Variants in PRKG1 observed in about 807,000 individuals in gnomAD.
PRKG1 encodes protein kinase cGMP-dependent 1, also known as cGMP-dependent protein kinase 1.
A neutral mutation model predicts 88.1 loss-of-function variants in PRKG1; 35 were observed. The observed-to-expected ratio is 0.40, with a 90% CI of 0.30 to 0.53. The LOEUF (loss-of-function observed/expected upper bound fraction) is 0.53. Ranked by LOEUF, PRKG1 falls within the 20% of genes least tolerant of loss-of-function variation. The pLI, the probability that PRKG1 is intolerant of heterozygous loss-of-function variation, is 0.59. For missense variants in PRKG1, 540 were observed against 839.8 expected (o/e 0.64, Z 4.41); for synonymous variants, 303 against 292.5 (o/e 1.04, Z -0.37).
intron 2 of PRKG1, among the ~76,000 whole-genome samples, chr10:51,389,526 AG>A (rs1447764951): frequency 6.6e-6 from 1 of 152,074 alleles, no homozygotes. Flanking sequence ...GTCAGCCACT[AG>A]GGGGCATCCT....
At chr10:51,957,751 G>A (rs1314199845) in intron 5 of PRKG1, among the ~76,000 whole-genome samples, 1 of 152,080 alleles carries the variant, frequency 6.6e-6, no homozygotes, top group Non-Finnish European at 1.5e-5. Context: ...TCTGCTTAGG[G>A]CTATATGGAG....
chr10:51,353,938 G>A (rs186554777), intron 2 of PRKG1, among the ~76,000 whole-genome samples: 225 of 151,996 alleles, frequency 1.5e-3, no homozygotes, highest in Non-Finnish European at 2.5e-3. Flanking sequence ...ATATCTAATG[G>A]ATATAAATAT....
At chr10:51,931,966 G>C (rs1272766745) in intron 5 of PRKG1, among the ~76,000 whole-genome samples, 2 of 152,118 alleles carry the variant, frequency 1.3e-5, no homozygotes, top group Admixed American at 1.3e-4. Context: ...TCCTTGATAT[G>C]TTTGAAAATC....
chr10:52,251,812 C>A, intron 10 of PRKG1, 146 bp downstream of exon 10: 1 of 663,318 alleles, frequency 1.5e-6, no homozygotes, highest in Non-Finnish European at 2.5e-6. Flanking sequence ...TACTTTGCGG[C>A]AGACATGTCA....
At chr10:51,662,799 G>A (rs1242602835) in intron 3 of PRKG1, among the ~76,000 whole-genome samples, 2 of 152,092 alleles carry the variant, frequency 1.3e-5, no homozygotes, top group African/African-American at 4.8e-5. Flanking sequence ...GACTGAAAAT[G>A]GGGAAAGAGA....
intron 3 of PRKG1, among the ~76,000 whole-genome samples, chr10:51,658,802 G>A (rs966419497): frequency 7.9e-5 from 12 of 151,790 alleles, no homozygotes; most frequent in African/African-American, 2.9e-4. Flanking sequence ...GTGTCTCCTT[G>A]AAATATTAGC....
At chr10:51,702,664 T>A (rs569700056) in intron 3 of PRKG1, among the ~76,000 whole-genome samples, 1 of 152,104 alleles carries the variant, frequency 6.6e-6, no homozygotes, top group Non-Finnish European at 1.5e-5. Context: ...TTAATCACTT[T>A]CAGAAACTAC....
chr10:51,858,692 G>A (rs1285085931), intron 4 of PRKG1, among the ~76,000 whole-genome samples: 1 of 151,362 alleles, frequency 6.6e-6, no homozygotes, highest in Non-Finnish European at 1.5e-5. Context: ...CTGGGTGCCT[G>A]CCATATTCCA....
chr10:51,398,281 G>C (rs1837634844), intron 2 of PRKG1, among the ~76,000 whole-genome samples: 1 of 152,020 alleles, frequency 6.6e-6, no homozygotes, highest in Admixed American at 6.6e-5. Flanking sequence ...TCTCAAAAGG[G>C]GTGTGCAGCC....
intron 1 of PRKG1, among the ~76,000 whole-genome samples, chr10:51,077,524 T>A (rs1332050328): frequency 6.6e-6 from 1 of 151,882 alleles, no homozygotes; most frequent in Non-Finnish European, 1.5e-5. Flanking sequence ...AGGATTATAA[T>A]TTTTTTTAGT....
At chr10:51,637,642 A>G (rs1839691683) in intron 3 of PRKG1, among the ~76,000 whole-genome samples, 1 of 152,212 alleles carries the variant, frequency 6.6e-6, no homozygotes. Context: ...GTTGGAAGCC[A>G]TTATCCTCAG....
intron 7 of PRKG1, among the ~76,000 whole-genome samples, chr10:52,084,965 T>C (rs1377864178): frequency 1.3e-5 from 2 of 152,084 alleles, no homozygotes. Context: ...TTTTACATTG[T>C]CACTCAATTT....
chr10:52,044,701 T>A (rs1267824626), intron 5 of PRKG1, among the ~76,000 whole-genome samples: 1 of 152,174 alleles, frequency 6.6e-6, no homozygotes, highest in Non-Finnish European at 1.5e-5. Context: ...TTATTTGATG[T>A]TTTCTGTTCT....
intron 3 of PRKG1, among the ~76,000 whole-genome samples, chr10:51,602,345 G>C (rs1838628185): frequency 6.6e-6 from 1 of 152,044 alleles, no homozygotes; most frequent in South Asian, 2.1e-4. Flanking sequence ...GAAATTATTT[G>C]AGTTATTTAC....
intron 1 of PRKG1, among the ~76,000 whole-genome samples, chr10:51,000,235 G>A (rs926198679): frequency 6.6e-6 from 1 of 152,194 alleles, no homozygotes. Flanking sequence ...AAATAAGATT[G>A]CGTGCACTCA....
At chr10:51,435,623 T>C (rs1838905439) in intron 2 of PRKG1, among the ~76,000 whole-genome samples, 1 of 151,942 alleles carries the variant, frequency 6.6e-6, no homozygotes, top group South Asian at 2.1e-4. Context: ...CAAAGTACAC[T>C]GGAAACTATA....
At chr10:52,065,487 C>A (rs1221667949) in intron 7 of PRKG1, among the ~76,000 whole-genome samples, 1 of 151,336 alleles carries the variant, frequency 6.6e-6, no homozygotes, top group Admixed American at 6.6e-5. Flanking sequence ...GTTTTTTAAG[C>A]CACAATCAGA....
At position 51,698,829 on chromosome 10, in the gene PRKG1, G is replaced by C. The variant is rs573426485; in HGVS notation, c.593-105756G>C. 36 of 1,613,326 alleles carry C rather than the reference G, an allele frequency of 2.2e-5. No homozygotes were observed. The African/African-American group carries it at 3.0e-4, about 13-fold the overall frequency. On this transcript the variant is annotated intron_variant, in intron 3 of 17. Transcript: ENST00000373980. The stretch of plus-strand genomic sequence containing the variant: ...TCCTTCACAGGTCTTCTAGCCAAAT[G>C]CTGAGGCTGAGGAGCTGGAGGATTC...
intron 4 of PRKG1, among the ~76,000 whole-genome samples, chr10:51,848,277 G>T (rs1840455701): frequency 6.6e-6 from 1 of 151,968 alleles, no homozygotes; most frequent in Non-Finnish European, 1.5e-5. Context: ...ATGAATTTGG[G>T]GTTGGTATAA....
Sources: gnomAD v4.1 joint callset for allele counts (sites outside exome capture counted in the v4.1 genomes callset) on GRCh38, gnomAD v4.1.1 for gene constraint, MANE v1.5 for transcripts, NCBI Gene and HGNC (gene_info 2026-07-23, HGNC 2026-07-21) for gene names.